Variants in CNTNAP2 observed in about 807,000 individuals in gnomAD.
CNTNAP2 encodes the protein contactin associated protein 2.
In CNTNAP2, 98 loss-of-function variants were observed where a neutral mutation model predicts 155.2. The ratio of observed to expected loss-of-function variants is 0.63; its 90% CI spans 0.54 to 0.75. The LOEUF (loss-of-function observed/expected upper bound fraction) is 0.75, where lower values mean the gene tolerates loss of function less well. CNTNAP2 is among the 30% of genes least tolerant of loss of function. The pLI, the probability that CNTNAP2 is intolerant of heterozygous loss-of-function variation, is 0.00. For missense variants in CNTNAP2, 1,727 were observed against 1,688.1 expected (o/e 1.02, Z -0.40); for synonymous variants, 651 against 631.2 (o/e 1.03, Z -0.47).
chr7:148,240,932 T>C (rs1463412048), intron 20 of CNTNAP2, among the ~76,000 whole-genome samples: 3 of 152,202 alleles, frequency 2.0e-5, no homozygotes, highest in Admixed American at 1.3e-4. Flanking sequence ...TTATCCTAGC[T>C]GCACTGGCAG....
intron 1 of CNTNAP2, among the ~76,000 whole-genome samples, chr7:146,635,942 G>T (rs557906193): frequency 9.2e-5 from 14 of 152,164 alleles, no homozygotes; most frequent in Non-Finnish European, 1.9e-4. Context: ...GACTGTTCCA[G>T]TGGCAAGTGA....
intron 13 of CNTNAP2, among the ~76,000 whole-genome samples, chr7:147,669,758 T>C (rs1337481216): frequency 6.6e-6 from 1 of 152,234 alleles, no homozygotes; most frequent in East Asian, 1.9e-4. Flanking sequence ...CCTCCTGGAC[T>C]CATCTCTTGG....
At chr7:147,740,418 C>T (rs925433152) in intron 13 of CNTNAP2, among the ~76,000 whole-genome samples, 4 of 152,274 alleles carry the variant, frequency 2.6e-5, no homozygotes, top group Admixed American at 6.5e-5. Flanking sequence ...TGCTACAGCT[C>T]GTTCGCTGAC....
intron 13 of CNTNAP2, among the ~76,000 whole-genome samples, chr7:147,641,450 T>A (rs1027646037): frequency 3.3e-5 from 5 of 151,990 alleles, no homozygotes; most frequent in Non-Finnish European, 7.4e-5. Context: ...CAATACCTGG[T>A]GAGATAATAA....
intron 15 of CNTNAP2, among the ~76,000 whole-genome samples, chr7:148,003,925 G>A (rs35175991): frequency 0.038 from 5,826 of 152,208 alleles, 243 homozygotes; most frequent in East Asian, 0.24. Context: ...ATTATAATAT[G>A]TATATTTCTT....
chr7:146,306,920 C>T (rs1357668616), intron 1 of CNTNAP2, among the ~76,000 whole-genome samples: 1 of 152,110 alleles, frequency 6.6e-6, no homozygotes, highest in Non-Finnish European at 1.5e-5. Flanking sequence ...AAAACGGGCA[C>T]AAGGCAGGGA....
rs113256158 is a variant in CNTNAP2, at chr7:147,301,139, C to A, written c.1498+849C>A. On this transcript the variant is annotated intron_variant, in intron 9 of 23. Coordinates refer to ENST00000361727, the MANE Select transcript of CNTNAP2 (RefSeq NM_014141.6). ...ATTCCTGGGTGCCATTTTAAAGGTGCCTACCACAGTCTACCTTACAGAAGA... is the reference window on the plus strand; with the variant it reads ...ATTCCTGGGTGCCATTTTAAAGGTGACTACCACAGTCTACCTTACAGAAGA... Among the ~76,000 whole-genome samples, 1,221 of 152,200 alleles carry A rather than the reference C, an allele frequency of 8.0e-3. 17 individuals are homozygous for A. The highest frequency in any genetic ancestry group is 0.028 in the African/African-American group (1,155 of 41,538).
chr7:146,246,968 T>G lies in CNTNAP2; in HGVS notation c.97+129995T>G, dbSNP rs189741787. 2.9e-3 allele frequency among the ~76,000 whole-genome samples: 436 copies of G among 152,066 alleles called. 1 individual carries two copies. The highest frequency in any genetic ancestry group is 9.8e-3 in the African/African-American group (407 of 41,524). On this transcript the variant is annotated intron_variant, in intron 1 of 23. Transcript: ENST00000361727. Reference sequence around the variant, plus strand: ...ACAGTGGAGGCAAGGAATTGCAACTTTTTTCTATTATTGTACACGTTGAAG... The same window carrying G: ...ACAGTGGAGGCAAGGAATTGCAACTGTTTTCTATTATTGTACACGTTGAAG...
intron 8 of CNTNAP2, among the ~76,000 whole-genome samples, chr7:147,195,060 C>T (rs12110094): frequency 1.3e-5 from 2 of 152,076 alleles, no homozygotes; most frequent in Non-Finnish European, 2.9e-5. Context: ...TGGGGTTTTA[C>T]ATTTAAGTCT....
At chr7:147,275,892 G>A (rs1804884637) in intron 8 of CNTNAP2, among the ~76,000 whole-genome samples, 1 of 151,778 alleles carries the variant, frequency 6.6e-6, no homozygotes, top group African/African-American at 2.4e-5. Flanking sequence ...TGGATTTTGA[G>A]TGCTTTTTCT....
intron 1 of CNTNAP2, among the ~76,000 whole-genome samples, chr7:146,720,113 A>C (rs1462516632): frequency 6.7e-6 from 1 of 149,940 alleles, no homozygotes; most frequent in Non-Finnish European, 1.5e-5. Context: ...CTCTTGTTTT[A>C]TTACATTCAT....
intron 1 of CNTNAP2, among the ~76,000 whole-genome samples, chr7:146,362,001 T>C (rs1795089042): frequency 6.6e-6 from 1 of 152,154 alleles, no homozygotes; most frequent in African/African-American, 2.4e-5. Context: ...TTAAAAAATA[T>C]ATAAATAGAT....
At chr7:148,404,341 C>G (rs1462961158) in intron 22 of CNTNAP2, among the ~76,000 whole-genome samples, 3 of 152,222 alleles carry the variant, frequency 2.0e-5, no homozygotes, top group African/African-American at 4.8e-5. Flanking sequence ...GCTGAGGATA[C>G]TTTCAGGAAA....
intron 15 of CNTNAP2, among the ~76,000 whole-genome samples, chr7:148,004,012 T>TA (rs1801936206): frequency 6.6e-6 from 1 of 152,220 alleles, no homozygotes; most frequent in Non-Finnish European, 1.5e-5. Context: ...TATGTTAACT[T>TA]ACAAAAGTTC....
At chr7:147,993,123 C>T (rs924677711) in intron 15 of CNTNAP2, among the ~76,000 whole-genome samples, 33 of 152,166 alleles carry the variant, frequency 2.2e-4, no homozygotes, top group African/African-American at 6.8e-4. Context: ...GAGAGAACCC[C>T]GTTACTGGGT....
intron 3 of CNTNAP2, among the ~76,000 whole-genome samples, chr7:146,900,838 T>C (rs1409370463): frequency 1.3e-5 from 2 of 152,168 alleles, no homozygotes; most frequent in East Asian, 3.9e-4. Flanking sequence ...ACCGAGTCTC[T>C]TGGGAATCCA....
At chr7:146,868,424 G>A (rs1282448442) in intron 3 of CNTNAP2, among the ~76,000 whole-genome samples, 1 of 152,074 alleles carries the variant, frequency 6.6e-6, no homozygotes, top group Admixed American at 6.6e-5. Context: ...CTTTAGCCTT[G>A]TAGTATAGTT....
intron 1 of CNTNAP2, among the ~76,000 whole-genome samples, chr7:146,736,014 A>G (rs1275209558): frequency 4.6e-5 from 7 of 152,222 alleles, no homozygotes. Flanking sequence ...ATCACTTTGT[A>G]CACCCTAAAT....
At chr7:148,295,558 C>T (rs1473434319) in intron 21 of CNTNAP2, among the ~76,000 whole-genome samples, 1 of 145,176 alleles carries the variant, frequency 6.9e-6, no homozygotes, top group Non-Finnish European at 1.5e-5. Flanking sequence ...GTGGCGCAGT[C>T]TCGGCTCACT....
Sources: gnomAD v4.1 joint callset for allele counts (sites outside exome capture counted in the v4.1 genomes callset) on GRCh38, gnomAD v4.1.1 for gene constraint, MANE v1.5 for transcripts, NCBI Gene and HGNC (gene_info 2026-07-23, HGNC 2026-07-21) for gene names.